The following KCNIP4 variants were observed in gnomAD, a reference collection of about 807,000 sequenced individuals.
KCNIP4 encodes Kv channel-interacting protein 4.
KCNIP4 carries 12 observed loss-of-function variants against 34.0 expected under a neutral mutation model. That is an observed-to-expected ratio of 0.35 (90% CI 0.23 to 0.57). The LOEUF (loss-of-function observed/expected upper bound fraction) is 0.57. Ranked by LOEUF, KCNIP4 falls within the 20% of genes least tolerant of loss-of-function variation. KCNIP4 has a pLI of 0.83. For missense variants in KCNIP4, 238 were observed against 311.7 expected (o/e 0.76, Z 1.78); for synonymous variants, 124 against 102.2 (o/e 1.21, Z -1.29).
intron 3 of KCNIP4, among the ~76,000 whole-genome samples, chr4:20,830,324 C>A (rs1160442938): frequency 2.0e-5 from 3 of 152,164 alleles, no homozygotes; most frequent in Non-Finnish European, 4.4e-5. Context: ...AACTGCTAAC[C>A]TCAAGGCAAG....
chr4:21,869,581 C>A (rs1310361943), intron 1 of KCNIP4, among the ~76,000 whole-genome samples: 1 of 152,060 alleles, frequency 6.6e-6, no homozygotes, highest in Non-Finnish European at 1.5e-5. Context: ...CAGGGTCAAC[C>A]TAAATTCCCT....
intron 1 of KCNIP4, among the ~76,000 whole-genome samples, chr4:21,042,288 G>A (rs1742030560): frequency 6.6e-6 from 1 of 152,214 alleles, no homozygotes; most frequent in South Asian, 2.1e-4. Context: ...ATCAACCTAA[G>A]TGTCTATCAA....
chr4:21,491,359 T>G (rs1275734746), intron 1 of KCNIP4, among the ~76,000 whole-genome samples: 1 of 152,090 alleles, frequency 6.6e-6, no homozygotes, highest in Non-Finnish European at 1.5e-5. Flanking sequence ...GAAAGAGAAC[T>G]GGGTCTCTGA....
At chr4:21,062,623 G>A (rs530340133) in intron 1 of KCNIP4, among the ~76,000 whole-genome samples, 5 of 152,052 alleles carry the variant, frequency 3.3e-5, no homozygotes, top group Admixed American at 1.3e-4. Context: ...GATCTACATG[G>A]TGAGTCTGCA....
At chr4:21,752,553 A>C (rs1168106859) in intron 1 of KCNIP4, among the ~76,000 whole-genome samples, 1 of 152,132 alleles carries the variant, frequency 6.6e-6, no homozygotes, top group Non-Finnish European at 1.5e-5. Flanking sequence ...GTGGGAACAC[A>C]AAGCCTAACC....
rs529046535 is a variant in KCNIP4, at chr4:20,962,598, A to G, written c.62-79889T>C. ...ACATTGGGCATGGATGGAAGCATTA[A>G]AACCAACAAGCCAGGTTTGTCTATC... On this transcript the variant is annotated intron_variant, in intron 1 of 8. Transcript: ENST00000382152. Among the ~76,000 whole-genome samples, 14 of 152,294 alleles carry G rather than the reference A, an allele frequency of 9.2e-5. No individual in the cohort carries two copies. In the South Asian group the frequency reaches 2.7e-3, roughly 29 times the overall value.
At chr4:20,736,971 G>T (rs1389601505) in intron 5 of KCNIP4, among the ~76,000 whole-genome samples, 1 of 152,136 alleles carries the variant, frequency 6.6e-6, no homozygotes, top group Admixed American at 6.6e-5. Flanking sequence ...TAGAACAGTA[G>T]AATAGAATTG....
At chr4:20,834,068 T>A (rs6811826) in intron 3 of KCNIP4, among the ~76,000 whole-genome samples, 26,823 of 152,020 alleles carry the variant, frequency 0.18, 2,499 homozygotes, top group South Asian at 0.36. Context: ...TAGGCCTGCA[T>A]AGAATTCACC....
chr4:20,745,338 A>C (rs1752189525), intron 5 of KCNIP4, among the ~76,000 whole-genome samples: 1 of 152,230 alleles, frequency 6.6e-6, no homozygotes, highest in African/African-American at 2.4e-5. Context: ...TTACATTAAA[A>C]GATAGCTATG....
chr4:21,428,506 A>G (rs1726128383), intron 1 of KCNIP4, among the ~76,000 whole-genome samples: 1 of 152,156 alleles, frequency 6.6e-6, no homozygotes, highest in African/African-American at 2.4e-5. Flanking sequence ...GGCTTCAAAA[A>G]CCACTACAGC....
chr4:20,748,197 CTCTA>C (rs1238383782), intron 5 of KCNIP4, among the ~76,000 whole-genome samples: 2 of 152,104 alleles, frequency 1.3e-5, no homozygotes, highest in African/African-American at 2.4e-5. Flanking sequence ...AACTTCTGGC[CTCTA>C]TCTCCTTCCC....
chr4:21,112,629 T>C (rs1749318569), intron 1 of KCNIP4, among the ~76,000 whole-genome samples: 1 of 152,228 alleles, frequency 6.6e-6, no homozygotes, highest in South Asian at 2.1e-4. Flanking sequence ...AAATGGTTCC[T>C]GGGTCACTTA....
intron 1 of KCNIP4, among the ~76,000 whole-genome samples, chr4:21,329,640 G>T (rs951268591): frequency 1.3e-5 from 2 of 152,122 alleles, no homozygotes; most frequent in Non-Finnish European, 2.9e-5. Context: ...GCTGACAGTG[G>T]GTCTGAAGGT....
chr4:21,914,439 C>A (rs1213011445), intron 1 of KCNIP4, among the ~76,000 whole-genome samples: 1 of 152,146 alleles, frequency 6.6e-6, no homozygotes, highest in African/African-American at 2.4e-5. Context: ...GCCAGTTCTT[C>A]CACACCCTGT....
chr4:21,869,219 C>T (rs185670884), intron 1 of KCNIP4, among the ~76,000 whole-genome samples: 10 of 152,174 alleles, frequency 6.6e-5, no homozygotes, highest in Admixed American at 6.5e-4. Flanking sequence ...TTTCTCCTCC[C>T]AGCTAGATCC....
At chr4:21,563,892 C>T (rs1046087517) in intron 1 of KCNIP4, among the ~76,000 whole-genome samples, 1 of 152,024 alleles carries the variant, frequency 6.6e-6, no homozygotes, top group Non-Finnish European at 1.5e-5. Context: ...GTTTTGAGTG[C>T]ATGATATAAT....
intron 1 of KCNIP4, among the ~76,000 whole-genome samples, chr4:21,290,079 G>T (rs1228264974): frequency 2.0e-5 from 3 of 152,064 alleles, no homozygotes; most frequent in Non-Finnish European, 2.9e-5. Context: ...CTGGGCTCTT[G>T]ATAACTTTTT....
At chr4:20,822,933 T>A (rs913800230) in intron 3 of KCNIP4, among the ~76,000 whole-genome samples, 3 of 152,044 alleles carry the variant, frequency 2.0e-5, no homozygotes, top group African/African-American at 7.2e-5. Context: ...TTCTATGTCT[T>A]CTACCATGGG....
intron 1 of KCNIP4, among the ~76,000 whole-genome samples, chr4:21,455,809 A>C (rs6843937): frequency 1.3e-4 from 1 of 7,746 alleles, no homozygotes; most frequent in Non-Finnish European, 2.0e-4. Context: ...ACAGATATTC[A>C]TATATATATA....
Sources: gnomAD v4.1 joint callset for allele counts (sites outside exome capture counted in the v4.1 genomes callset) on GRCh38, gnomAD v4.1.1 for gene constraint, MANE v1.5 for transcripts, NCBI Gene and HGNC (gene_info 2026-07-23, HGNC 2026-07-21) for gene names.